CRIM1: variants seen among roughly 807,000 people sequenced by gnomAD.
CRIM1 encodes cysteine-rich motor neuron 1 protein.
CRIM1 carries 32 observed loss-of-function variants against 116.4 expected under a neutral mutation model. The observed-to-expected ratio is 0.27, with a 90% CI of 0.21 to 0.37. The LOEUF is 0.37. Among genes scored for constraint, CRIM1 ranks in the 10% least tolerant of loss-of-function variants. The pLI is 1.00. For missense variants in CRIM1, 1,331 were observed against 1,354.8 expected (o/e 0.98, Z 0.28); for synonymous variants, 590 against 509.2 (o/e 1.16, Z -2.13).
At chr2:36,490,632 G>A (rs188514370) in intron 7 of CRIM1, among the ~76,000 whole-genome samples, 2 of 152,240 alleles carry the variant, frequency 1.3e-5, no homozygotes, top group East Asian at 3.9e-4. Flanking sequence ...TTCTTCTGAT[G>A]AGCCTCTGAC....
rs1303814193 is a variant in CRIM1, at chr2:36,550,594, C to T, written c.*1893C>T. The T allele has an allele frequency of 6.6e-6, 1 of 152,250 alleles. No homozygotes were observed. Among genetic ancestry groups the T allele is most frequent in the African/African-American group, 2.4e-5 (1 of 41,348 alleles). 9.4% of individuals were successfully genotyped at this position (152,250 alleles called of 1,614,324 possible). A position where few individuals can be genotyped will look rare whatever the true frequency, so the allele number is the denominator to read the frequency against. On this transcript the variant is annotated 3_prime_UTR_variant, in exon 17 of 17. Transcript: ENST00000280527. ...CCTAATTTATTAATCTGAAGATTAA[C>T]CATTTTTTTGTCTTAGAATATCAAA...
chr2:36,462,256 A>G (rs1019037728), intron 4 of CRIM1, among the ~76,000 whole-genome samples: 7 of 152,352 alleles, frequency 4.6e-5, no homozygotes, highest in African/African-American at 1.7e-4. Flanking sequence ...AATGCATATA[A>G]TGTTTACTCT....
chr2:36,433,430 T>A (rs987817673), intron 2 of CRIM1, among the ~76,000 whole-genome samples: 4 of 152,238 alleles, frequency 2.6e-5, no homozygotes, highest in African/African-American at 9.6e-5. Context: ...TCTGGAGGGC[T>A]CAGTGCTTCT....
chr2:36,388,259 G>A (rs1372206170), intron 1 of CRIM1, among the ~76,000 whole-genome samples: 1 of 152,112 alleles, frequency 6.6e-6, no homozygotes, highest in East Asian at 1.9e-4. Flanking sequence ...TAAGAATGGA[G>A]ATACTGGAAA....
intron 1 of CRIM1, among the ~76,000 whole-genome samples, chr2:36,392,988 C>T (rs149016494): frequency 6.6e-6 from 1 of 152,278 alleles, no homozygotes; most frequent in African/African-American, 2.4e-5. Flanking sequence ...GAAACTTCTG[C>T]TGAGAAAGCA....
chr2:36,509,476 G>A (rs185374996), intron 8 of CRIM1, among the ~76,000 whole-genome samples: 114 of 152,248 alleles, frequency 7.5e-4, no homozygotes, highest in Non-Finnish European at 1.3e-3. Context: ...GCAGTGAGCC[G>A]AAATCACGCC....
chr2:36,512,259 T>A lies in CRIM1; in HGVS notation c.1659-14T>A. 6.2e-7 allele frequency: 1 copy of A among 1,608,926 alleles called. No homozygotes were observed. Among genetic ancestry groups the A allele is most frequent in the Non-Finnish European group, 8.5e-7 (1 of 1,175,590 alleles). On this transcript the variant is annotated splice_polypyrimidine_tract_variant and intron_variant, in intron 9 of 16. Coordinates refer to ENST00000280527, the MANE Select transcript of CRIM1 (RefSeq NM_016441.3). ...TGTGATTTTCTGACCTCTGACAAAA[T>A]TTTAATTACCCAGGAAGAATAAGCA... is the stretch of plus-strand genomic sequence containing the variant.
chr2:36,530,762 G>T (rs1666057579), intron 13 of CRIM1, among the ~76,000 whole-genome samples: 1 of 152,112 alleles, frequency 6.6e-6, no homozygotes, highest in Non-Finnish European at 1.5e-5. Flanking sequence ...CTTCACTGAA[G>T]TTTTCTGTAA....
chr2:36,462,518 G>T (rs569486907), intron 4 of CRIM1, among the ~76,000 whole-genome samples: 1 of 152,332 alleles, frequency 6.6e-6, no homozygotes, highest in Admixed American at 6.5e-5. Context: ...AGTAAAGGTT[G>T]TTCAAGTGTT....
At chr2:36,363,855 G>T (rs1035558874) in intron 1 of CRIM1, among the ~76,000 whole-genome samples, 1 of 152,124 alleles carries the variant, frequency 6.6e-6, no homozygotes, top group Non-Finnish European at 1.5e-5. Flanking sequence ...ACGCCATGGG[G>T]GCTATGGTTC....
rs1558588069 is a variant in CRIM1 at position 36,441,573 on chromosome 2, C to T, written c.748+73C>T. 1.9e-6 allele frequency: 3 copies of T among 1,550,968 alleles called. No individual in the cohort carries two copies. The East Asian group carries it at 6.8e-5, about 35-fold the overall frequency. ...GTAGCAGATCCCTCCTCAGCCACCC[C>T]TGGCCTCTCCTTTCACACGAAGATG... On this transcript the variant is annotated intron_variant, in intron 3 of 16. Coordinates refer to ENST00000280527, the MANE Select transcript of CRIM1 (RefSeq NM_016441.3).
At chr2:36,359,310 G>A (rs1416031062) in intron 1 of CRIM1, among the ~76,000 whole-genome samples, 3 of 152,164 alleles carry the variant, frequency 2.0e-5, no homozygotes, top group African/African-American at 7.2e-5. Context: ...ATATTATCAT[G>A]ACTAATCTCC....
intron 7 of CRIM1, among the ~76,000 whole-genome samples, chr2:36,491,274 T>TA (rs1680207101): frequency 6.6e-6 from 1 of 152,144 alleles, no homozygotes; most frequent in Non-Finnish European, 1.5e-5. Flanking sequence ...TTTTAACCCA[T>TA]CTCAGGAAAC....
chr2:36,437,075 A>G (rs2124922169), intron 2 of CRIM1, among the ~76,000 whole-genome samples: 1 of 152,350 alleles, frequency 6.6e-6, no homozygotes, highest in South Asian at 2.1e-4. Context: ...CCAAGCATTA[A>G]TCTTAAAACA....
chr2:36,454,719 C>G (rs977690480), intron 4 of CRIM1, among the ~76,000 whole-genome samples: 7 of 152,140 alleles, frequency 4.6e-5, no homozygotes, highest in African/African-American at 1.7e-4. Context: ...AAAAATCTGG[C>G]TTCTCTTGAG....
At chr2:36,416,543 G>A (rs951807366) in intron 2 of CRIM1, among the ~76,000 whole-genome samples, 63 of 152,148 alleles carry the variant, frequency 4.1e-4, no homozygotes, top group Non-Finnish European at 2.5e-4. Context: ...ACAACACTGC[G>A]TTTGTCTTCT....
intron 10 of CRIM1, among the ~76,000 whole-genome samples, chr2:36,512,924 C>G (rs1664786589): frequency 6.6e-6 from 1 of 152,168 alleles, no homozygotes; most frequent in African/African-American, 2.4e-5. Flanking sequence ...AGGGAGCTTC[C>G]TGAAGCCACT....
At chr2:36,425,383 T>C (rs754866146) in intron 2 of CRIM1, among the ~76,000 whole-genome samples, 26 of 152,234 alleles carry the variant, frequency 1.7e-4, no homozygotes, top group Non-Finnish European at 3.5e-4. Context: ...TTAAAACTAT[T>C]TCACTAGGAG....
chr2:36,422,035 T>C (rs1674106057), intron 2 of CRIM1, among the ~76,000 whole-genome samples: 1 of 151,914 alleles, frequency 6.6e-6, no homozygotes, highest in Admixed American at 6.6e-5. Flanking sequence ...AGGCAGATTT[T>C]ATTGTATATC....
Sources: allele counts gnomAD v4.1 joint callset (sites outside exome capture counted in the v4.1 genomes callset), GRCh38; gene constraint gnomAD v4.1.1; transcripts MANE v1.5; gene names NCBI Gene and HGNC (gene_info 2026-07-23, HGNC 2026-07-21).